GRHPR: variants seen among roughly 807,000 people sequenced by gnomAD.
GRHPR encodes the protein glyoxylate and hydroxypyruvate reductase.
In GRHPR, 35 loss-of-function variants were observed where a neutral mutation model predicts 36.8. The observed-to-expected ratio is 0.95, with a 90% CI of 0.73 to 1.26. GRHPR has a LOEUF of 1.26. GRHPR is among the 50% of genes most tolerant of loss of function. The probability of loss-of-function intolerance (pLI) is 0.00; values close to 1 mark genes in which losing one functional copy is unlikely to be tolerated. For missense variants in GRHPR, 380 were observed against 435.0 expected (o/e 0.87, Z 1.12); for synonymous variants, 179 against 181.0 (o/e 0.99, Z 0.09).
chr9:37,433,102 T>C (rs1431641440), intron 8 of GRHPR, among the ~76,000 whole-genome samples: 1 of 152,222 alleles, frequency 6.6e-6, no homozygotes, highest in Non-Finnish European at 1.5e-5. Flanking sequence ...ACCAGCCCCA[T>C]TGAGCCCTGC....
At position 37,428,543 on chromosome 9, in the gene GRHPR, C is replaced by G; in HGVS notation, c.464C>G (p.Thr155Ser). The change falls in exon 5 of 9, where the codon ACT becomes AGT. Residue 155 changes from threonine (T) to serine (S), a missense_variant. Physicochemically the swap from Thr to Ser is moderately conservative, Grantham distance 58. Transcript: ENST00000318158. ...TGTGGCTATGGACTCACGCAGAGCACTGTCGGCATCATCGGGCTGGGGCGC... is the reference window on the plus strand; with the variant it reads ...TGTGGCTATGGACTCACGCAGAGCAGTGTCGGCATCATCGGGCTGGGGCGC... ...WLCGYGLTQSTVGIIGLGRIG... is the reference protein window; with the variant it reads ...WLCGYGLTQSSVGIIGLGRIG... 6.2e-7 allele frequency: 1 copy of G among 1,611,496 alleles called. No homozygotes were observed. The highest frequency in any genetic ancestry group is 1.3e-5 in the African/African-American group (1 of 75,052).
At chr9:37,436,266 G>A (rs116220616) in intron 8 of GRHPR, among the ~76,000 whole-genome samples, 2,541 of 152,182 alleles carry the variant, frequency 0.017, 64 homozygotes, top group African/African-American at 0.059. Flanking sequence ...GGGCCACTAC[G>A]CCTGGCTAAA....
intron 2 of GRHPR, among the ~76,000 whole-genome samples, chr9:37,425,718 G>A (rs1823045914): frequency 6.6e-6 from 1 of 152,230 alleles, no homozygotes; most frequent in South Asian, 2.1e-4. Context: ...CTCTGCCTGT[G>A]ACTGAGCCAG....
At position 37,429,712 on chromosome 9, in the gene GRHPR, A is replaced by G. The variant is rs773111875; in HGVS notation, c.494-20A>G. On this transcript the variant is annotated intron_variant, in intron 5 of 8. Coordinates refer to ENST00000318158, the MANE Select transcript of GRHPR (RefSeq NM_012203.2). ...CCCTTTGCGGGACTGGGAACGAGAC[A>G]TGGACTCTCCTTGCTCTAGGCCAGG... The G allele has an allele frequency of 7.2e-6, 11 of 1,537,022 alleles. No individual in the cohort carries two copies. The highest frequency in any genetic ancestry group is 6.7e-5 in the Admixed American group (4 of 59,938).
At chr9:37,431,354 G>A (rs902228480) in intron 7 of GRHPR, 5 of 315,778 alleles carry the variant, frequency 1.6e-5, no homozygotes, top group Admixed American at 4.4e-5. Context: ...CACAGGGCTC[G>A]CACTGCTGGC....
In GRHPR at chr9:37,425,793, T is replaced by C. The variant is rs1027704160; in HGVS notation, c.215-129T>C. ...AAAGGGGATTATTCAGAGTTTTAAC[T>C]GAAGAACAGAGATGTCAGCCTCTTA... On this transcript the variant is annotated intron_variant, in intron 2 of 8. Transcript: ENST00000318158. 1.6e-5 allele frequency: 11 copies of C among 695,858 alleles called. No homozygotes were observed. In the African/African-American group the frequency reaches 1.8e-4, roughly 11 times the overall value. The allele number at this position is 695,858 out of a possible 1,614,324, so 43.1% of individuals were successfully genotyped here.
intron 8 of GRHPR, chr9:37,432,389 AAAAG>A (rs1167628685): frequency 4.6e-6 from 2 of 430,438 alleles, no homozygotes; most frequent in African/African-American, 4.0e-5. Flanking sequence ...TGTTTAAAAA[AAAAG>A]AGTGGGCCAG....
downstream of GRHPR, among the ~76,000 whole-genome samples, chr9:37,437,439 G>A (rs939079069): frequency 6.6e-6 from 1 of 152,014 alleles, no homozygotes; most frequent in African/African-American, 2.4e-5. Context: ...CACCAAGGAC[G>A]GGACAAACAG....
upstream of GRHPR, chr9:37,422,641 G>A: frequency 1.1e-6 from 1 of 878,676 alleles, no homozygotes; most frequent in Non-Finnish European, 1.9e-6. Context: ...CCCTGCGCAC[G>A]CCGCGCGCGA....
downstream of GRHPR, chr9:37,437,011 G>A (rs1823702863): frequency 6.2e-6 from 3 of 483,390 alleles, no homozygotes; most frequent in Non-Finnish European, 1.1e-5. Context: ...GCCTGTAAAT[G>A]GGGAAGCTAA....
chr9:37,427,529 C>A (rs1823139887), intron 4 of GRHPR, among the ~76,000 whole-genome samples: 2 of 152,020 alleles, frequency 1.3e-5, no homozygotes, highest in Admixed American at 1.3e-4. Context: ...TCAGGGATTT[C>A]GGCCTGTATA....
rs1304571286 is a variant in GRHPR, at chr9:37,431,363, G to T, written c.735-645G>T. On this transcript the variant is annotated intron_variant, in intron 7 of 8. Transcript: ENST00000318158. Reference sequence around the variant, plus strand: ...CAGGACCACAGGGCTCGCACTGCTGGCTGGCAGCAGTCACAGCTGCCGTGT... The same window carrying T: ...CAGGACCACAGGGCTCGCACTGCTGTCTGGCAGCAGTCACAGCTGCCGTGT... The T allele has an allele frequency of 2.3e-5, 7 of 309,360 alleles. No individual in the cohort carries two copies. The Admixed American group carries it at 2.7e-4, about 12-fold the overall frequency. The allele number at this position is 309,360 out of a possible 1,614,324, so 19.2% of individuals were successfully genotyped here.
intron 4 of GRHPR, 101 bp from the exon 5 acceptor site, chr9:37,428,383 T>G (rs1588755168): frequency 1.4e-6 from 1 of 716,804 alleles, no homozygotes; most frequent in Non-Finnish European, 2.5e-6. Context: ...ACCTGGAGGG[T>G]GGGTTTATAC....
downstream of GRHPR, among the ~76,000 whole-genome samples, chr9:37,437,889 C>G (rs942613874): frequency 1.3e-5 from 2 of 152,150 alleles, no homozygotes; most frequent in Non-Finnish European, 2.9e-5. Context: ...CAGAGAGCAA[C>G]TGGGTAGACT....
chr9:37,426,485 A>T, intron 3 of GRHPR, 53 bp from the exon 4 acceptor site: 1 of 1,103,922 alleles, frequency 9.1e-7, no homozygotes, highest in Non-Finnish European at 1.4e-6. Context: ...CCAGCAGTAG[A>T]CATTGGTAAA....
chr9:37,434,278 G>A (rs567572545), intron 8 of GRHPR: 3 of 442,032 alleles, frequency 6.8e-6, no homozygotes, highest in Non-Finnish European at 1.2e-5. Context: ...GATCCCTATG[G>A]GGGGAGCACG....
chr9:37,422,891 C>G, intron 1 of GRHPR, 58 bp downstream of exon 1: 4 of 1,292,072 alleles, frequency 3.1e-6, no homozygotes, highest in Non-Finnish European at 4.4e-6. Context: ...ACCGGAGAGC[C>G]GGGCGGGGCG....
intron 8 of GRHPR, chr9:37,434,491 G>T: frequency 1.8e-6 from 1 of 541,688 alleles, no homozygotes; most frequent in Non-Finnish European, 3.4e-6. Flanking sequence ...TCCCCAAGAA[G>T]GTGAGGCAGA....
chr9:37,430,870 G>GC, intron 7 of GRHPR: 1 of 650,032 alleles, frequency 1.5e-6, no homozygotes, highest in South Asian at 1.5e-5. Flanking sequence ...CTCAGCAGTG[G>GC]CCCCCACCCG....
Sources: allele counts gnomAD v4.1 joint callset (sites outside exome capture counted in the v4.1 genomes callset), GRCh38; gene constraint gnomAD v4.1.1; transcripts MANE v1.5; gene names NCBI Gene and HGNC (gene_info 2026-07-23, HGNC 2026-07-21).